ZNF503: variants seen among roughly 807,000 people sequenced by gnomAD.
ZNF503 encodes NocA-like zinc finger 2.
A neutral mutation model predicts 34.4 loss-of-function variants in ZNF503; 15 were observed. The ratio of observed to expected loss-of-function variants is 0.44; its 90% CI spans 0.29 to 0.67. ZNF503 has a LOEUF of 0.67. Among genes scored for constraint, ZNF503 ranks in the 30% least tolerant of loss-of-function variants. ZNF503 has a pLI of 0.13. For synonymous variants in ZNF503, 580 were observed against 456.8 expected (o/e 1.27, Z -3.44); for missense variants, 1,007 against 926.8 (o/e 1.09, Z -1.12).
chr10:75,364,240 C>A, the ZNF503 span, among the ~76,000 whole-genome samples: 2 of 152,156 alleles, frequency 1.3e-5, no homozygotes, highest in Non-Finnish European at 2.9e-5. Flanking sequence ...GTCTGATGGA[C>A]TGGGTGCTGA....
At chr10:75,302,745 G>C in the ZNF503 span, among the ~76,000 whole-genome samples, 1 of 152,156 alleles carries the variant, frequency 6.6e-6, no homozygotes, top group Non-Finnish European at 1.5e-5. Context: ...TGGAGCCACT[G>C]GTCCTTCCTG....
the ZNF503 span, among the ~76,000 whole-genome samples, chr10:75,317,024 C>T: frequency 7.9e-5 from 12 of 152,290 alleles, no homozygotes; most frequent in African/African-American, 2.6e-4. Context: ...TCACTGCAGC[C>T]TCAAACTCCA....
chr10:75,392,426 G>A, the ZNF503 span, among the ~76,000 whole-genome samples: 1 of 152,214 alleles, frequency 6.6e-6, no homozygotes, highest in Non-Finnish European at 1.5e-5. Flanking sequence ...AATGCAAAGT[G>A]AGGGAAAGAT....
At chr10:75,281,061 A>C in the ZNF503 span, among the ~76,000 whole-genome samples, 3 of 152,102 alleles carry the variant, frequency 2.0e-5, no homozygotes, top group Non-Finnish European at 4.4e-5. Flanking sequence ...GTGACCATGT[A>C]ATTTATCATC....
the ZNF503 span, among the ~76,000 whole-genome samples, chr10:75,329,437 T>TTCTTTCTTTCTTTCTTTCTTTC: frequency 9.7e-6 from 1 of 103,450 alleles, no homozygotes; most frequent in East Asian, 2.7e-4. Flanking sequence ...CTTCCTTCCT[T>TTCTTTCTTTCTTTCTTTCTTTC]TCTTTCTTTC....
chr10:75,311,378 C>T, the ZNF503 span, among the ~76,000 whole-genome samples: 1 of 152,176 alleles, frequency 6.6e-6, no homozygotes, highest in African/African-American at 2.4e-5. Flanking sequence ...CACAGACACA[C>T]CTGGGAACAA....
At chr10:75,389,844 T>A in the ZNF503 span, among the ~76,000 whole-genome samples, 3 of 152,198 alleles carry the variant, frequency 2.0e-5, no homozygotes, top group Non-Finnish European at 4.4e-5. Context: ...ACACTATAAT[T>A]ATTTAAGGCA....
At position 75,399,958 on chromosome 10, in the gene ZNF503, C is replaced by T; in HGVS notation, c.732G>A (p.Ser244=). The T allele has an allele frequency of 5.6e-6, 9 of 1,606,548 alleles. No individual in the cohort carries two copies. Among genetic ancestry groups the T allele is most frequent in the Non-Finnish European group, 7.6e-6 (9 of 1,179,502 alleles). The part of the protein sequence containing the change: ...SACSPGGMLS[S]AGGAPEGKDD... ...CCTTGCCCTCCGGGGCACCCCCGGC[C>T]GAGGACAGCATACCTCCCGGCGAGC... The change falls in exon 2 of 2, where the codon TCG becomes TCA. Residue 244 remains serine (S), a synonymous_variant. Coordinates refer to ENST00000372524, the MANE Select transcript of ZNF503 (RefSeq NM_032772.6).
rs377434619 is a variant in ZNF503, at chr10:75,401,096, G to A, written c.315+9C>T. On this transcript the variant is annotated intron_variant, in intron 1 of 1. Coordinates refer to ENST00000372524, the MANE Select transcript of ZNF503 (RefSeq NM_032772.6). ...TGGTCCCAGTGCGATCCAGAGAGAG[G>A]GTCCTTACCTCGATGGGGCTGACCG... 1 of 1,613,758 alleles carries A rather than the reference G, an allele frequency of 6.2e-7. No homozygotes were observed. Among genetic ancestry groups the A allele is most frequent in the African/African-American group, 1.3e-5 (1 of 75,012 alleles).
At chr10:75,357,861 C>G in the ZNF503 span, among the ~76,000 whole-genome samples, 3 of 152,164 alleles carry the variant, frequency 2.0e-5, no homozygotes, top group Non-Finnish European at 2.9e-5. Context: ...CGCACAGGCT[C>G]TGGGTGTTGG....
chr10:75,286,285 G>A, the ZNF503 span, among the ~76,000 whole-genome samples: 58 of 139,976 alleles, frequency 4.1e-4, no homozygotes, highest in Middle Eastern at 3.7e-3. Context: ...ACTGTCTCAG[G>A]AAAAAAAAAA....
chr10:75,354,781 C>T, the ZNF503 span, among the ~76,000 whole-genome samples: 1 of 152,160 alleles, frequency 6.6e-6, no homozygotes, highest in Non-Finnish European at 1.5e-5. Flanking sequence ...ACAGAGAATG[C>T]CAGGTTCCAA....
the ZNF503 span, among the ~76,000 whole-genome samples, chr10:75,385,373 A>C: frequency 6.6e-6 from 1 of 152,218 alleles, no homozygotes; most frequent in African/African-American, 2.4e-5. Context: ...CCCAACTTTT[A>C]TTTTATTCAC....
At chr10:75,395,902 G>A (rs114101269), downstream of ZNF503, among the ~76,000 whole-genome samples, 1,570 of 152,340 alleles carry the variant, frequency 0.01, 30 homozygotes, top group African/African-American at 0.036. The surrounding 1 kb of genome is among the most constrained non-coding windows in gnomAD (Gnocchi z 4.4). Flanking sequence ...CTGGTCCCAA[G>A]CCTGAATCCC....
the ZNF503 span, among the ~76,000 whole-genome samples, chr10:75,384,881 G>A: frequency 8.5e-5 from 13 of 152,178 alleles, no homozygotes; most frequent in Admixed American, 3.3e-4. Flanking sequence ...AGTCTTCCTC[G>A]CTGACCTTCA....
At chr10:75,376,593 G>A in the ZNF503 span, among the ~76,000 whole-genome samples, 3 of 151,968 alleles carry the variant, frequency 2.0e-5, no homozygotes, top group South Asian at 2.1e-4. Flanking sequence ...GCAGTGAGCC[G>A]AGATGATGCT....
At chr10:75,300,119 G>T in the ZNF503 span, among the ~76,000 whole-genome samples, 1 of 152,136 alleles carries the variant, frequency 6.6e-6, no homozygotes, top group Non-Finnish European at 1.5e-5. Context: ...CACCCAAGGG[G>T]GCCATTTTAG....
chr10:75,351,268 T>C, the ZNF503 span, among the ~76,000 whole-genome samples: 1 of 151,948 alleles, frequency 6.6e-6, no homozygotes, highest in South Asian at 2.1e-4. Flanking sequence ...GCCTCCCAGG[T>C]TCAAGCGATT....
chr10:75,367,474 C>T, the ZNF503 span, among the ~76,000 whole-genome samples: 2 of 152,158 alleles, frequency 1.3e-5, no homozygotes, highest in South Asian at 4.1e-4. Context: ...GTCTGCCGGA[C>T]GGGGCCATAC....
Sources: allele counts gnomAD v4.1 joint callset (sites outside exome capture counted in the v4.1 genomes callset), GRCh38; gene constraint gnomAD v4.1.1; non-coding constraint Gnocchi (gnomAD v3.1); transcripts MANE v1.5; gene names NCBI Gene and HGNC (gene_info 2026-07-23, HGNC 2026-07-21).